Variants in STRADA observed in about 807,000 individuals in gnomAD.
STRADA encodes STE20-related kinase adapter protein alpha.
A neutral mutation model predicts 55.0 loss-of-function variants in STRADA; 26 were observed. The observed-to-expected ratio is 0.47, with a 90% CI of 0.35 to 0.66. STRADA has a LOEUF of 0.66. Among genes scored for constraint, STRADA ranks in the 30% least tolerant of loss-of-function variants. The pLI is 0.01. For synonymous variants in STRADA, 197 were observed against 210.9 expected, an observed-to-expected ratio of 0.93 and a Z score of 0.57; for missense variants, 443 against 549.7, an observed-to-expected ratio of 0.81 and a Z score of 1.94.
chr17:63,704,223 T>C lies in STRADA; in HGVS notation c.1100+118A>G, dbSNP rs377129953. On this transcript the variant is annotated intron_variant, in intron 11 of 12. Coordinates refer to ENST00000336174, the MANE Select transcript of STRADA (RefSeq NM_001003787.4). ...CACACCCAGGAGCTGATCCCTCCTG[T>C]GTGTAGCTCCAGATTCCCCTGCAGA... The C allele has an allele frequency of 1.8e-4, 270 of 1,541,266 alleles. 2 individuals carry two copies. In the East Asian group the frequency reaches 5.0e-3, roughly 29 times the overall value.
Position 63,740,141 on chromosome 17 carries a change from T to TACACAC in STRADA, c.-45+1599_-45+1600insGTGTGT, listed in dbSNP as rs1390181125. 6.4e-3 allele frequency among the ~76,000 whole-genome samples: 268 copies of TACACAC among 41,558 alleles called. 14 individuals are homozygous for TACACAC. The highest frequency in any genetic ancestry group is 0.03 in the African/African-American group (257 of 8,666). The allele number at this position is 41,558 out of a possible 152,430, so 27.3% of individuals were successfully genotyped here. A position where few individuals can be genotyped will look rare whatever the true frequency, so the allele number is the denominator to read the frequency against. ...ACATATATATATACACATACATATATATATATACACACACACACACACACA... is the reference window on the plus strand; with the variant it reads ...ACATATATATATACACATACATATATACACACATATATACACACACACACACACACA... On this transcript the variant is annotated intron_variant, in intron 1 of 12. Coordinates refer to ENST00000336174, the MANE Select transcript of STRADA (RefSeq NM_001003787.4).
intron 1 of STRADA, among the ~76,000 whole-genome samples, chr17:63,732,376 G>A (rs2038128010): frequency 6.6e-6 from 1 of 152,134 alleles, no homozygotes; most frequent in Non-Finnish European, 1.5e-5. Flanking sequence ...CTGGAAAGCA[G>A]TGGTGTAACC....
chr17:63,710,403 A>G, intron 8 of STRADA, 88 bp downstream of exon 8: 1 of 1,572,890 alleles, frequency 6.4e-7, no homozygotes, highest in Non-Finnish European at 8.6e-7. Flanking sequence ...CTCTGGCTTC[A>G]TTAACTTCAG....
chr17:63,703,855 A>C (rs1385763030), intron 12 of STRADA, 104 bp from the exon 13 acceptor site: 1 of 1,611,600 alleles, frequency 6.2e-7, no homozygotes, highest in Non-Finnish European at 8.5e-7. Flanking sequence ...TGTCGGAGCC[A>C]ACTCCATGAG....
intron 10 of STRADA, 85 bp from the exon 11 acceptor site, chr17:63,704,667 T>C: frequency 6.6e-7 from 1 of 1,511,406 alleles, no homozygotes; most frequent in Non-Finnish European, 8.8e-7. Flanking sequence ...TCTTCACAAA[T>C]ACACTGTTCC....
rs1214691124 is a variant in STRADA at position 63,704,425 on chromosome 17, G to A, written c.1016C>T (p.Ser339Leu). The A allele has an allele frequency of 9.3e-6, 15 of 1,612,444 alleles. No individual in the cohort carries two copies. The highest frequency in any genetic ancestry group is 1.7e-4 in the Middle Eastern group (1 of 6,050). The change falls in exon 11 of 13, where the codon TCG becomes TTG. Residue 339 changes from serine (S) to leucine (L), a missense_variant. Ser to Leu is a moderately radical substitution (Grantham distance 145). Coordinates refer to ENST00000336174, the MANE Select transcript of STRADA (RefSeq NM_001003787.4). ...GGTTCGGTGGTAGGGGTGGGAGGGC[G>A]AGTCACCGTTGGAGGGCCGGGGGGT... Reference protein sequence around the residue: ...TSTPRPSNGDSPSHPYHRTFS... With the variant: ...TSTPRPSNGDLPSHPYHRTFS...
intron 6 of STRADA, 38 bp from the exon 7 acceptor site, chr17:63,710,874 G>A (rs775317387): frequency 1.3e-6 from 2 of 1,582,190 alleles, no homozygotes; most frequent in Non-Finnish European, 1.7e-6. Flanking sequence ...GAACCAAATG[G>A]CACTGAAGGA....
intron 10 of STRADA, 45 bp from the exon 11 acceptor site, chr17:63,704,627 G>A (rs749351894): frequency 1.0e-5 from 10 of 953,616 alleles, no homozygotes; most frequent in Admixed American, 4.7e-5. Flanking sequence ...GGGTGGGGGG[G>A]GGGGGTGGTC....
intron 1 of STRADA, among the ~76,000 whole-genome samples, chr17:63,739,926 G>T (rs570472348): frequency 9.6e-4 from 141 of 147,300 alleles, no homozygotes; most frequent in Non-Finnish European, 9.5e-4. Context: ...GGCAGAGCGA[G>T]GAGTGACTGG....
chr17:63,726,559 G>C, intron 3 of STRADA, 79 bp downstream of exon 3: 1 of 1,403,278 alleles, frequency 7.1e-7, no homozygotes, highest in Non-Finnish European at 9.9e-7. Flanking sequence ...ATTGCCAATT[G>C]CTATAGATTG....
At chr17:63,731,957 C>T (rs1479800621) in intron 1 of STRADA, among the ~76,000 whole-genome samples, 3 of 152,096 alleles carry the variant, frequency 2.0e-5, no homozygotes, top group Admixed American at 6.5e-5. Flanking sequence ...CTCTGCTTCC[C>T]AGGTTCACGC....
chr17:63,728,889 C>CAAAA lies in STRADA; in HGVS notation c.-44-480_-44-477dup, dbSNP rs72080041. ...CCTGGGTGACAGAGTGAGACTGTCT[C>CAAAA]AAAAAAAAAAAAAATTTTAATTAAT... On this transcript the variant is annotated intron_variant, in intron 1 of 12. Transcript: ENST00000336174. 1.1e-3 allele frequency among the ~76,000 whole-genome samples: 157 copies of CAAAA among 141,984 alleles called. 1 individual carries two copies. Among genetic ancestry groups the CAAAA allele is most frequent in the African/African-American group, 4.0e-3 (155 of 38,466 alleles). The allele number at this position is 141,984 out of a possible 152,430, so 93.1% of individuals were successfully genotyped here.
intron 6 of STRADA, chr17:63,712,686 CAATAA>C (rs888814518): frequency 2.0e-5 from 3 of 150,070 alleles, no homozygotes; most frequent in African/African-American, 7.4e-5. Context: ...CCAGCCAGGG[CAATAA>C]AATGAGACCC....
At chr17:63,738,710 T>C (rs2038635550) in intron 1 of STRADA, among the ~76,000 whole-genome samples, 2 of 151,616 alleles carry the variant, frequency 1.3e-5, no homozygotes, top group African/African-American at 2.4e-5. Context: ...TACAAAAAAT[T>C]AGCAGGGTGT....
chr17:63,728,893 A>AC (rs964569911), intron 1 of STRADA, among the ~76,000 whole-genome samples: 1 of 150,376 alleles, frequency 6.6e-6, no homozygotes, highest in Admixed American at 6.7e-5. Context: ...CTGTCTCAAA[A>AC]AAAAAAAAAA....
At chr17:63,708,204 T>C (rs55977012) in intron 8 of STRADA, among the ~76,000 whole-genome samples, 3,561 of 151,078 alleles carry the variant, frequency 0.024, 154 homozygotes, top group African/African-American at 0.082. Context: ...TTTGTTCTTG[T>C]TGTTGTTGTT....
At chr17:63,709,560 A>G (rs2036346997) in intron 8 of STRADA, among the ~76,000 whole-genome samples, 1 of 152,148 alleles carries the variant, frequency 6.6e-6, no homozygotes, top group Admixed American at 6.6e-5. Context: ...TATTGGATAG[A>G]AATCTTCTTG....
At chr17:63,735,069 C>T (rs1306245051) in intron 1 of STRADA, among the ~76,000 whole-genome samples, 5 of 152,108 alleles carry the variant, frequency 3.3e-5, no homozygotes, top group Admixed American at 1.3e-4. Flanking sequence ...ACAGGAGAAT[C>T]GTTTGAACCC....
At chr17:63,711,559 C>A (rs1381808279) in intron 6 of STRADA, among the ~76,000 whole-genome samples, 4 of 151,650 alleles carry the variant, frequency 2.6e-5, no homozygotes, top group African/African-American at 9.7e-5. Context: ...TGCCATGTTG[C>A]CTAGGCCTGC....
Sources: gnomAD v4.1 joint callset for allele counts (sites outside exome capture counted in the v4.1 genomes callset) on GRCh38, gnomAD v4.1.1 for gene constraint, MANE v1.5 for transcripts, NCBI Gene and HGNC (gene_info 2026-07-23, HGNC 2026-07-21) for gene names.